RUVBL2: variants seen among roughly 807,000 people sequenced by gnomAD.
RUVBL2 encodes ruvB-like 2.
Under a neutral mutation model 57.9 loss-of-function variants are expected in RUVBL2, and 9 were observed. The observed-to-expected ratio is 0.16, with a 90% CI of 0.09 to 0.27. The LOEUF is 0.27. RUVBL2 is among the 10% of genes least tolerant of loss of function. The pLI is 1.00. For synonymous variants in RUVBL2, 278 were observed against 264.6 expected (o/e 1.05, Z -0.49); for missense variants, 456 against 669.6 (o/e 0.68, Z 3.52).
intron 3 of RUVBL2, 150 bp from the exon 4 acceptor site, chr19:49,004,115 CAAAAAAAAAAAA>C (rs74182026): frequency 2.0e-5 from 6 of 293,112 alleles, no homozygotes; most frequent in East Asian, 9.0e-5. Context: ...GATCTTGTCT[CAAAAAAAAAAAA>C]AAAAAAAAAA....
intron 8 of RUVBL2, 197 bp downstream of exon 8, chr19:49,010,263 G>A (rs1186183485): frequency 4.2e-5 from 29 of 695,142 alleles, no homozygotes; most frequent in Non-Finnish European, 5.8e-5. Flanking sequence ...GCCACATGTG[G>A]CCTGTGGCTT....
Position 49,011,136 on chromosome 19 carries a change from G to A in RUVBL2, c.882+43G>A. On this transcript the variant is annotated intron_variant, in intron 10 of 14. Coordinates refer to ENST00000595090, the MANE Select transcript of RUVBL2 (RefSeq NM_006666.3). This position sits in a 1 kb window ranked among gnomAD's most constrained non-coding sequence, Gnocchi z 4.4. ...GGCCGGGGCGGGTGGTGGGGTGGAG[G>A]TGGGCCGGGGAAGTGGGGACGCGGG... 1 of 1,597,966 alleles carries A rather than the reference G, an allele frequency of 6.3e-7. No individual in the cohort carries two copies. The highest frequency in any genetic ancestry group is 1.7e-5 in the Admixed American group (1 of 59,742).
At position 49,003,323 on chromosome 19, in the gene RUVBL2, G is replaced by C; in HGVS notation, c.112G>C (p.Glu38Gln). Residue 38 changes from glutamate to glutamine, a missense_variant, in exon 3 of 15, where the codon GAG (glutamate) becomes CAG (glutamine). Physicochemically the swap from Glu to Gln is conservative, Grantham distance 29 (BLOSUM62 2). This residue lies in a region of RUVBL2 where 233 missense variants were observed against 306.0 expected (regional missense o/e 0.76). Transcript: ENST00000595090. ...IRGLGLDDAL[E>Q]PRQASQGMVG... ...GGGACTGGGGCTGGACGATGCCTTG[G>C]AGCCTCGGCAGGTAGAGCAGAGGAG... 6.2e-7 allele frequency: 1 copy of C among 1,614,018 alleles called. No individual in the cohort carries two copies. The highest frequency in any genetic ancestry group is 8.5e-7 in the Non-Finnish European group (1 of 1,180,008).
intron 6 of RUVBL2, among the ~76,000 whole-genome samples, chr19:49,008,630 A>G (rs549039986): frequency 6.0e-4 from 91 of 151,794 alleles, no homozygotes; most frequent in African/African-American, 2.0e-3. Flanking sequence ...CGATCACTTG[A>G]GATCAGGAGT....
Position 49,010,550 on chromosome 19 carries a change from G to A in RUVBL2, c.726G>A (p.Val242=), listed in dbSNP as rs746745063. The A allele has an allele frequency of 1.3e-6, 2 of 1,597,568 alleles. No homozygotes were observed. Among genetic ancestry groups the A allele is most frequent in the South Asian group, 2.2e-5 (2 of 90,736 alleles). The stretch of plus-strand genomic sequence containing the variant: ...AACGCAAGGAGGTGGTGCACACCGT[G>A]TCCCTGCACGAGATCGACGTCATCA... ...LQKRKEVVHT[V]SLHEIDVINS... is the part of the protein sequence containing the mutation. Residue 242 remains valine, a synonymous_variant, in exon 9 of 15, where the codon GTG becomes GTA. Coordinates refer to ENST00000595090, the MANE Select transcript of RUVBL2 (RefSeq NM_006666.3).
chr19:49,015,903 G>C lies in RUVBL2; in HGVS notation c.*61G>C. 1 of 1,614,022 alleles carries C rather than the reference G, an allele frequency of 6.2e-7. No individual in the cohort carries two copies. On this transcript the variant is annotated 3_prime_UTR_variant, in exon 15 of 15. Coordinates refer to ENST00000595090, the MANE Select transcript of RUVBL2 (RefSeq NM_006666.3). ...ACCAGAGTTCTGACACTGTGACTCT[G>C]TATAAAATGGTTGGGAAGCTGCACC...
At chr19:49,003,070 G>GTTAATTGA (rs1261209985) in intron 2 of RUVBL2, among the ~76,000 whole-genome samples, 4 of 152,202 alleles carry the variant, frequency 2.6e-5, no homozygotes, top group African/African-American at 9.7e-5. Context: ...AGCAGCTCCA[G>GTTAATTGA]TTCATTGAGC....
In RUVBL2 at chr19:49,007,165, G is replaced by A. The variant is rs780536854; in HGVS notation, c.395+18G>A. 92 of 1,612,990 alleles carry A rather than the reference G, an allele frequency of 5.7e-5. No homozygotes were observed. The highest frequency in any genetic ancestry group is 3.3e-4 in the Middle Eastern group (2 of 6,074). The stretch of plus-strand genomic sequence containing the variant: ...CGCATCAAGTAAGCGGGGGACCCGA[G>A]GCGGGTGCCAGACCCCAGAGCCTGG... On this transcript the variant is annotated intron_variant, in intron 5 of 14. Transcript: ENST00000595090.
intron 1 of RUVBL2, 56 bp downstream of exon 1, chr19:48,993,979 AGGAGGATGCT>A: frequency 1.3e-6 from 2 of 1,583,780 alleles, no homozygotes; most frequent in Non-Finnish European, 1.7e-6. Flanking sequence ...AGTTTGAGAG[AGGAGGATGCT>A]GGAGGCCCTG....
In RUVBL2 at chr19:48,999,186, T is replaced by A. The variant is rs1183619465; in HGVS notation, c.13-133T>A. The A allele has an allele frequency of 9.9e-6, 9 of 913,648 alleles. No homozygotes were observed. In the East Asian group the frequency reaches 1.7e-4, roughly 17 times the overall value. 56.6% of individuals were successfully genotyped at this position (913,648 alleles called of 1,614,324 possible). ...CAGTGACAGGCAAGAGGGGTGGGGG[T>A]GACTGGTGCCTGTCCCATCGCCTGC... On this transcript the variant is annotated intron_variant, in intron 1 of 14. Coordinates refer to ENST00000595090, the MANE Select transcript of RUVBL2 (RefSeq NM_006666.3).
chr19:49,001,735 C>T (rs1352526230), intron 2 of RUVBL2: 7 of 151,858 alleles, frequency 4.6e-5, no homozygotes, highest in African/African-American at 1.7e-4. Context: ...GTCAGCCTTC[C>T]GAGTAGCTGG....
intron 11 of RUVBL2, among the ~76,000 whole-genome samples, chr19:49,012,297 G>C (rs1003043488): frequency 3.9e-5 from 6 of 152,166 alleles, no homozygotes; most frequent in Non-Finnish European, 7.3e-5. Flanking sequence ...TAACTCCTTG[G>C]ATCCGCAGAA....
In RUVBL2 at chr19:49,011,418, T is replaced by G; in HGVS notation, c.1001+108T>G. On this transcript the variant is annotated intron_variant, in intron 11 of 14. Transcript: ENST00000595090. This position sits in a 1 kb window ranked among gnomAD's most constrained non-coding sequence, Gnocchi z 4.4. ...TGACACCGGGTCAGGGAGGGACGCG[T>G]GACTGCAGTGTGCGCTCTTTGCTTA... The G allele has an allele frequency of 2.4e-6, 2 of 843,436 alleles. No individual in the cohort carries two copies. Among genetic ancestry groups the G allele is most frequent in the Non-Finnish European group, 3.9e-6 (2 of 513,016 alleles). The allele number at this position is 843,436 out of a possible 1,614,324, so 52.2% of individuals were successfully genotyped here.
intron 11 of RUVBL2, among the ~76,000 whole-genome samples, chr19:49,013,538 C>T (rs1385667063): frequency 6.6e-6 from 1 of 152,090 alleles, no homozygotes; most frequent in East Asian, 1.9e-4. Context: ...CTTCGCTGAG[C>T]CCAAGTTAGA....
chr19:49,002,783 C>T (rs991346510), intron 2 of RUVBL2, among the ~76,000 whole-genome samples: 1 of 152,108 alleles, frequency 6.6e-6, no homozygotes, highest in African/African-American at 2.4e-5. Context: ...CAGGGTTTCA[C>T]CATGTTGGCC....
rs778081352 is a variant in RUVBL2, at chr19:49,015,865, C to T, written c.*23C>T. The T allele has an allele frequency of 4.3e-6, 7 of 1,614,072 alleles. No homozygotes were observed. The African/African-American group carries it at 9.3e-5, about 22-fold the overall frequency. On this transcript the variant is annotated 3_prime_UTR_variant, in exon 15 of 15. Transcript: ENST00000595090. ...TGAGTTGGATGTCATCCCCCGACCCCACCCTGTTTTCCACCAGAGTTCTGA... is the reference window on the plus strand; with the variant it reads ...TGAGTTGGATGTCATCCCCCGACCCTACCCTGTTTTCCACCAGAGTTCTGA...
chr19:49,002,941 G>A (rs111856338), intron 2 of RUVBL2, among the ~76,000 whole-genome samples: 4,332 of 152,308 alleles, frequency 0.028, 206 homozygotes, highest in African/African-American at 0.097. Context: ...ACATGTGGGT[G>A]CTGTGTAAAC....
At position 49,006,845 on chromosome 19, in the gene RUVBL2, G is replaced by C. The variant is rs763785960; in HGVS notation, c.266-173G>C. On this transcript the variant is annotated intron_variant, in intron 4 of 14. Coordinates refer to ENST00000595090, the MANE Select transcript of RUVBL2 (RefSeq NM_006666.3). The stretch of plus-strand genomic sequence containing the variant: ...ACTGTCTGCCTCATGGCTGAACCCC[G>C]CTCTCCAGTTCCCCCTCCCCAGCGC... 2.0e-5 allele frequency among the ~76,000 whole-genome samples: 3 copies of C among 152,354 alleles called. No individual in the cohort carries two copies. In the East Asian group the frequency reaches 5.8e-4, roughly 29 times the overall value.
At chr19:49,008,497 G>C (rs927961191) in intron 6 of RUVBL2, among the ~76,000 whole-genome samples, 9 of 149,964 alleles carry the variant, frequency 6.0e-5, no homozygotes, top group African/African-American at 2.2e-4. Context: ...CAAAGTGCTG[G>C]GATTACAGGT....
Sources: allele counts gnomAD v4.1 joint callset (sites outside exome capture counted in the v4.1 genomes callset), GRCh38; gene constraint gnomAD v4.1.1; regional missense constraint gnomAD v4.1.1; non-coding constraint Gnocchi (gnomAD v3.1); transcripts MANE v1.5; gene names NCBI Gene and HGNC (gene_info 2026-07-23, HGNC 2026-07-21).